PCCA: variants seen among roughly 807,000 people sequenced by gnomAD.
The protein encoded by PCCA is propionyl-CoA carboxylase subunit alpha, also known as propionyl-CoA carboxylase alpha chain, mitochondrial.
In PCCA, 74 loss-of-function variants were observed where a neutral mutation model predicts 101.3. The observed-to-expected ratio is 0.73, with a 90% CI of 0.61 to 0.89. PCCA has a LOEUF of 0.89. PCCA is among the 40% of genes least tolerant of loss of function. PCCA has a pLI of 0.00. For missense variants in PCCA, 891 were observed against 907.0 expected (o/e 0.98, Z 0.23); for synonymous variants, 294 against 313.6 (o/e 0.94, Z 0.66).
chr13:100,277,641 A>G (rs1202476247), intron 12 of PCCA, among the ~76,000 whole-genome samples: 5 of 152,160 alleles, frequency 3.3e-5, no homozygotes, highest in Non-Finnish European at 4.4e-5. Context: ...CCTCACTGCT[A>G]TCTCACTTTT....
intron 6 of PCCA, among the ~76,000 whole-genome samples, chr13:100,172,073 C>T (rs138322314): frequency 2.9e-4 from 44 of 150,684 alleles, no homozygotes; most frequent in Non-Finnish European, 4.7e-4. Context: ...TGTTGGCATG[C>T]GCCTCTGGTC....
chr13:100,109,006 C>A (rs1228118799), intron 2 of PCCA, among the ~76,000 whole-genome samples: 1 of 152,130 alleles, frequency 6.6e-6, no homozygotes, highest in Non-Finnish European at 1.5e-5. Flanking sequence ...TAGCCCTTAA[C>A]AGAGAAGATG....
intron 1 of PCCA, among the ~76,000 whole-genome samples, chr13:100,096,253 CATTTTGATA>C (rs1005894801): frequency 1.3e-5 from 2 of 152,036 alleles, no homozygotes; most frequent in Admixed American, 6.6e-5. Flanking sequence ...CTCTGTGAAA[CATTTTGATA>C]ATTTTTTCAT....
intron 21 of PCCA, among the ~76,000 whole-genome samples, chr13:100,453,274 G>A (rs1328769379): frequency 6.6e-6 from 1 of 152,096 alleles, no homozygotes; most frequent in Non-Finnish European, 1.5e-5. Context: ...GGCTGAGGTG[G>A]GAGGATCACC....
intron 7 of PCCA, among the ~76,000 whole-genome samples, chr13:100,231,780 T>G (rs754511492): frequency 8.6e-5 from 13 of 152,018 alleles, no homozygotes; most frequent in Non-Finnish European, 8.8e-5. Flanking sequence ...CGATGTTGCT[T>G]AAGTCAGTAC....
At chr13:100,143,747 TTTG>T (rs146253000) in intron 4 of PCCA, among the ~76,000 whole-genome samples, 2,606 of 151,940 alleles carry the variant, frequency 0.017, 79 homozygotes, top group African/African-American at 0.06. Context: ...TTGTTTTCTT[TTTG>T]TTGTTGTTGT....
Position 100,112,003 on chromosome 13 carries a change from C to A in PCCA, c.242C>A (p.Thr81Asn). The stretch of plus-strand genomic sequence containing the variant: ...TATATTTTAAAATAGGTTATTAGAA[C>A]TTGCAAGAAGATGGGCATTAAGACA... ...RGEIACRVIRTCKKMGIKTVA... is the reference protein window; with the variant it reads ...RGEIACRVIRNCKKMGIKTVA... The change falls in exon 4 of 24, where the codon ACT (threonine) becomes AAT (asparagine). Residue 81 changes from threonine (T) to asparagine (N), a missense_variant. Transcript: ENST00000376285. 1 of 1,606,814 alleles carries A rather than the reference C, an allele frequency of 6.2e-7. No homozygotes were observed. Among genetic ancestry groups the A allele is most frequent in the South Asian group, 1.1e-5 (1 of 90,808 alleles).
chr13:100,390,142 T>C (rs1199619476), intron 19 of PCCA, among the ~76,000 whole-genome samples: 2 of 152,232 alleles, frequency 1.3e-5, no homozygotes, highest in African/African-American at 2.4e-5. Flanking sequence ...ATATATTGCA[T>C]ATTTAATATG....
intron 21 of PCCA, chr13:100,490,006 C>T (rs1289468116): frequency 6.6e-6 from 1 of 152,216 alleles, no homozygotes; most frequent in Non-Finnish European, 1.5e-5. Context: ...ATTAAATACC[C>T]CATGGTGTGT....
intron 20 of PCCA, among the ~76,000 whole-genome samples, chr13:100,442,658 A>G (rs2080463694): frequency 6.6e-6 from 1 of 152,214 alleles, no homozygotes; most frequent in Non-Finnish European, 1.5e-5. Flanking sequence ...ACCTTCCAGC[A>G]GGGGGAAGTA....
At chr13:100,408,443 C>A (rs140166164) in intron 19 of PCCA, among the ~76,000 whole-genome samples, 1 of 152,186 alleles carries the variant, frequency 6.6e-6, no homozygotes, top group Non-Finnish European at 1.5e-5. Context: ...ATTAAAGTCA[C>A]GTGAACTGAA....
At chr13:100,396,861 G>T (rs1036560957) in intron 19 of PCCA, among the ~76,000 whole-genome samples, 2 of 152,094 alleles carry the variant, frequency 1.3e-5, no homozygotes, top group Non-Finnish European at 2.9e-5. Context: ...GAGTGAGGCT[G>T]GTGAACCTAG....
chr13:100,418,328 A>G (rs925996618), intron 19 of PCCA, among the ~76,000 whole-genome samples: 3 of 152,092 alleles, frequency 2.0e-5, no homozygotes, highest in Non-Finnish European at 4.4e-5. Context: ...TGAGCATCCT[A>G]CACTGGGCAG....
chr13:100,152,636 C>T (rs184160138), intron 4 of PCCA, among the ~76,000 whole-genome samples: 2 of 152,050 alleles, frequency 1.3e-5, no homozygotes, highest in East Asian at 1.9e-4. Flanking sequence ...TTAGTAGAAA[C>T]GGGGTTTCAC....
intron 21 of PCCA, chr13:100,473,433 T>G (rs1566402480): frequency 6.6e-6 from 1 of 152,242 alleles, no homozygotes; most frequent in Non-Finnish European, 1.5e-5. Context: ...GGTTGTACTC[T>G]TTCACAGATG....
rs185096412 is a variant in PCCA at position 100,167,661 on chromosome 13, C to G, written c.468+10321C>G. ...TTTTTAATGTTTTATAGTTTTAGAT[C>G]TCTGATCAATTTTGAGTTAATTTTT... On this transcript the variant is annotated intron_variant, in intron 6 of 23. Coordinates refer to ENST00000376285, the MANE Select transcript of PCCA (RefSeq NM_000282.4). Among the ~76,000 whole-genome samples the G allele has an allele frequency of 6.3e-3, 961 of 152,206 alleles. 6 individuals carry two copies. The highest frequency in any genetic ancestry group is 9.7e-3 in the Admixed American group (148 of 15,290).
At chr13:100,153,227 A>G (rs1420333876) in intron 4 of PCCA, among the ~76,000 whole-genome samples, 1 of 152,252 alleles carries the variant, frequency 6.6e-6, no homozygotes, top group African/African-American at 2.4e-5. Context: ...GATTAAAAAA[A>G]GAATTTAAGG....
chr13:100,113,082 G>A (rs997114544), intron 4 of PCCA, among the ~76,000 whole-genome samples: 1 of 152,174 alleles, frequency 6.6e-6, no homozygotes, highest in Non-Finnish European at 1.5e-5. Context: ...TATGTTCTGA[G>A]AAATGCATCG....
At chr13:100,282,398 C>A (rs1207725343) in intron 12 of PCCA, among the ~76,000 whole-genome samples, 3 of 152,206 alleles carry the variant, frequency 2.0e-5, no homozygotes, top group African/African-American at 7.2e-5. Context: ...CCTTTCTGGG[C>A]TGGCCAAGGC....
Sources: gnomAD v4.1 joint callset for allele counts (sites outside exome capture counted in the v4.1 genomes callset) on GRCh38, gnomAD v4.1.1 for gene constraint, MANE v1.5 for transcripts, NCBI Gene and HGNC (gene_info 2026-07-23, HGNC 2026-07-21) for gene names.